Variants in COL4A1 observed in about 807,000 individuals in gnomAD.
The protein encoded by COL4A1 is collagen alpha-1(IV) chain.
In COL4A1, 40 loss-of-function variants were observed where a neutral mutation model predicts 216.6. The observed-to-expected ratio is 0.18, with a 90% confidence interval of 0.14 to 0.24. COL4A1 has a LOEUF of 0.24. Among genes scored for constraint, COL4A1 ranks in the 10% least tolerant of loss-of-function variants. COL4A1 has a pLI of 1.00. For missense variants in COL4A1, 1,628 were observed against 2,196.8 expected, an observed-to-expected ratio of 0.74 and a Z score of 5.18; for synonymous variants, 839 against 810.7, an observed-to-expected ratio of 1.03 and a Z score of -0.59.
At chr13:110,218,962 G>A (rs535128884) in intron 2 of COL4A1, among the ~76,000 whole-genome samples, 33 of 152,324 alleles carry the variant, frequency 2.2e-4, no homozygotes, top group Middle Eastern at 3.4e-3. Flanking sequence ...AACTCTTTCC[G>A]AAATTCCACA....
intron 1 of COL4A1, among the ~76,000 whole-genome samples, chr13:110,275,909 G>A (rs1422938830): frequency 6.6e-6 from 1 of 152,140 alleles, no homozygotes; most frequent in Non-Finnish European, 1.5e-5. Context: ...CAGAGGTAAG[G>A]GGGTAGGGAT....
intron 39 of COL4A1, 86 bp downstream of exon 39, chr13:110,174,360 T>C: frequency 1.4e-6 from 2 of 1,459,374 alleles, no homozygotes; most frequent in Non-Finnish European, 1.9e-6. Context: ...CTGCTCCCCG[T>C]CTGTGATGGG....
chr13:110,202,019 T>C (rs1417135688), intron 18 of COL4A1, among the ~76,000 whole-genome samples: 1 of 152,004 alleles, frequency 6.6e-6, no homozygotes, highest in Admixed American at 6.6e-5. Flanking sequence ...CGAAAGCATA[T>C]GGAATAAACA....
chr13:110,301,111 T>C (rs1884473202), intron 1 of COL4A1, among the ~76,000 whole-genome samples: 1 of 152,210 alleles, frequency 6.6e-6, no homozygotes, highest in African/African-American at 2.4e-5. Context: ...TGGTGGAATA[T>C]CTACTCCAAA....
intron 1 of COL4A1, among the ~76,000 whole-genome samples, chr13:110,251,279 T>A (rs1419547833): frequency 6.6e-6 from 1 of 152,218 alleles, no homozygotes; most frequent in Non-Finnish European, 1.5e-5. Context: ...GGCTTCTGCC[T>A]TCACTTTCAA....
chr13:110,217,400 A>T (rs928588176), intron 2 of COL4A1, among the ~76,000 whole-genome samples: 2 of 152,186 alleles, frequency 1.3e-5, no homozygotes, highest in Non-Finnish European at 1.5e-5. Context: ...CTTCCACTGG[A>T]GCTCAAGGCA....
At chr13:110,260,629 A>AT (rs796220732) in intron 1 of COL4A1, among the ~76,000 whole-genome samples, 30 of 152,120 alleles carry the variant, frequency 2.0e-4, no homozygotes, top group Middle Eastern at 3.4e-3. Flanking sequence ...ACAGTATGAC[A>AT]TTTTTTTTCT....
intron 1 of COL4A1, among the ~76,000 whole-genome samples, chr13:110,270,093 T>C (rs1883191595): frequency 6.6e-6 from 1 of 152,154 alleles, no homozygotes. Flanking sequence ...GAGTTTGAAA[T>C]ACTTGGTCTG....
At position 110,213,654 on chromosome 13, in the gene COL4A1, G is replaced by A. The variant is rs1022716780; in HGVS notation, c.279+128C>T. ...CTGCCTGCCTCGCGCCTGCCTGCCC[G>A]TGCTGTGTGAGCTGGGAGAGGAGAT... On this transcript the variant is annotated intron_variant, in intron 4 of 51. Transcript: ENST00000375820. 9.7e-5 allele frequency: 91 copies of A among 934,156 alleles called. 1 individual carries two copies. Among genetic ancestry groups the A allele is most frequent in the Middle Eastern group, 6.2e-4 (2 of 3,250 alleles). The allele number at this position is 934,156 out of a possible 1,614,324, so 57.9% of individuals were successfully genotyped here. A position where few individuals can be genotyped will look rare whatever the true frequency, so the allele number is the denominator to read the frequency against.
In COL4A1 at chr13:110,255,903, A is replaced by AG. The variant is rs1478953084; in HGVS notation, c.85-13170dup. Among the ~76,000 whole-genome samples, 64 of 36,870 alleles carry AG rather than the reference A, an allele frequency of 1.7e-3. 2 individuals carry two copies. Among genetic ancestry groups the AG allele is most frequent in the African/African-American group, 2.8e-3 (22 of 7,920 alleles). 24.2% of individuals were successfully genotyped at this position (36,870 alleles called of 152,430 possible). ...GAAGGGAGGGGGAAGGCAGGAAGGG[A>AG]GGGGGAAGGCAGGAAGGGAGGGGGA... is the stretch of plus-strand genomic sequence containing the variant. On this transcript the variant is annotated intron_variant, in intron 1 of 51. Transcript: ENST00000375820.
intron 29 of COL4A1, 138 bp from the exon 30 acceptor site, chr13:110,179,559 C>A: frequency 1.5e-6 from 2 of 1,302,876 alleles, no homozygotes; most frequent in Non-Finnish European, 2.2e-6. Flanking sequence ...CCTTTTCAAG[C>A]GTTTGCAAAG....
intron 1 of COL4A1, among the ~76,000 whole-genome samples, chr13:110,304,489 C>T (rs1377805145): frequency 2.0e-5 from 3 of 152,306 alleles, no homozygotes; most frequent in East Asian, 1.9e-4. Flanking sequence ...AAAGCTGCTG[C>T]AGGAAGGGTT....
intron 20 of COL4A1, 85 bp downstream of exon 20, chr13:110,200,769 C>G: frequency 7.2e-7 from 1 of 1,381,098 alleles, no homozygotes; most frequent in Non-Finnish European, 1.0e-6. Context: ...AAATATCTAA[C>G]ATTCGTGATA....
At chr13:110,181,210 A>G in intron 29 of COL4A1, 82 bp downstream of exon 29, 1 of 1,344,054 alleles carries the variant, frequency 7.4e-7, no homozygotes, top group Non-Finnish European at 1.1e-6. Flanking sequence ...ATGTCCTGGG[A>G]CGTTCACAAC....
At position 110,183,382 on chromosome 13, in the gene COL4A1, C is replaced by G. The variant is rs1460961562; in HGVS notation, c.1898-106G>C. 3 of 1,029,128 alleles carry G rather than the reference C, an allele frequency of 2.9e-6. No individual in the cohort carries two copies. The African/African-American group carries it at 4.8e-5, about 16-fold the overall frequency. 63.7% of individuals were successfully genotyped at this position (1,029,128 alleles called of 1,614,324 possible). A position where few individuals can be genotyped will look rare whatever the true frequency, so the allele number is the denominator to read the frequency against. ...CTGCACGCCACATCCTACCCAGCACCACGAGTGCCCGGAGAGCAGAGCCTC... is the reference window on the plus strand; with the variant it reads ...CTGCACGCCACATCCTACCCAGCACGACGAGTGCCCGGAGAGCAGAGCCTC... On this transcript the variant is annotated intron_variant, in intron 26 of 51. Transcript: ENST00000375820.
At chr13:110,244,699 CGTT>C (rs1358529766) in intron 1 of COL4A1, among the ~76,000 whole-genome samples, 1 of 152,150 alleles carries the variant, frequency 6.6e-6, no homozygotes, top group East Asian at 1.9e-4. Context: ...TCACGTTTCT[CGTT>C]GTTTACTTCT....
chr13:110,152,394 T>C lies in COL4A1; in HGVS notation c.4868A>G (p.Asn1623Ser), dbSNP rs780076830. Residue 1623 changes from asparagine to serine, a missense_variant, in exon 51 of 52, where the codon AAT (asparagine) becomes AGT (serine). By Grantham distance (46) the Asn-to-Ser change is conservative. This residue lies in a region of COL4A1 where 254 missense variants were observed against 300.1 expected (regional missense o/e 0.85). Coordinates refer to ENST00000375820, the MANE Select transcript of COL4A1 (RefSeq NM_001845.6). ...AAAGCTGTAAGCGTTTGCGTAGTAA[T>C]TGCAGGTCCCACGGCCGTGACACTC... ...FIECHGRGTC[N>S]YYANAYSFWL... The C allele has an allele frequency of 5.6e-6, 9 of 1,614,192 alleles. No individual in the cohort carries two copies. The highest frequency in any genetic ancestry group is 2.7e-5 in the African/African-American group (2 of 75,048).
intron 2 of COL4A1, among the ~76,000 whole-genome samples, chr13:110,214,650 G>C (rs1020401958): frequency 6.6e-6 from 1 of 152,122 alleles, no homozygotes; most frequent in African/African-American, 2.4e-5. Context: ...CCTGCCCTTG[G>C]ACATCAGAAC....
At chr13:110,294,065 C>T (rs1884181122) in intron 1 of COL4A1, among the ~76,000 whole-genome samples, 7 of 152,146 alleles carry the variant, frequency 4.6e-5, no homozygotes. Flanking sequence ...GACCAGAACT[C>T]CTCCAGGTTT....
Sources: gnomAD v4.1 joint callset for allele counts (sites outside exome capture counted in the v4.1 genomes callset) on GRCh38, gnomAD v4.1.1 for gene constraint, gnomAD v4.1.1 regional missense constraint, MANE v1.5 for transcripts, NCBI Gene and HGNC (gene_info 2026-07-23, HGNC 2026-07-21) for gene names.